MON2: variants seen among roughly 807,000 people sequenced by gnomAD.
MON2 encodes the protein protein MON2 homolog.
MON2 carries 84 observed loss-of-function variants against 208.6 expected under a neutral mutation model. The ratio of observed to expected loss-of-function variants is 0.40; its 90% confidence interval spans 0.34 to 0.48. The LOEUF (loss-of-function observed/expected upper bound fraction) is 0.48, where lower values mean the gene tolerates loss of function less well. Ranked by LOEUF, MON2 falls within the 20% of genes least tolerant of loss-of-function variation. The pLI is 0.59. For missense variants in MON2, 1,611 were observed against 2,015.4 expected, an observed-to-expected ratio of 0.80 and a Z score of 3.84; for synonymous variants, 660 against 694.0, an observed-to-expected ratio of 0.95 and a Z score of 0.77.
At chr12:62,513,949 CAA>C (rs1173900059) in intron 8 of MON2, among the ~76,000 whole-genome samples, 1 of 133,086 alleles carries the variant, frequency 7.5e-6, no homozygotes, top group Admixed American at 7.8e-5. Flanking sequence ...GACTCCATCT[CAA>C]AAAAAAAAAG....
chr12:62,489,067 T>C (rs1309135058), intron 2 of MON2, among the ~76,000 whole-genome samples: 1 of 152,142 alleles, frequency 6.6e-6, no homozygotes, highest in Non-Finnish European at 1.5e-5. Flanking sequence ...GATTGTAGTT[T>C]AACAATTTCC....
chr12:62,480,154 G>A (rs779504726), intron 1 of MON2, among the ~76,000 whole-genome samples: 19 of 152,204 alleles, frequency 1.2e-4, no homozygotes, highest in Non-Finnish European at 1.5e-5. Context: ...GAGGAGCTAT[G>A]TGATAGGTCT....
At chr12:62,533,998 C>T (rs565898213) in intron 12 of MON2, among the ~76,000 whole-genome samples, 9 of 152,296 alleles carry the variant, frequency 5.9e-5, no homozygotes, top group African/African-American at 2.2e-4. Context: ...TGTATGTAAT[C>T]AGTCTCCTGG....
intron 30 of MON2, among the ~76,000 whole-genome samples, chr12:62,576,962 A>G (rs2074813227): frequency 6.6e-6 from 1 of 151,782 alleles, no homozygotes; most frequent in African/African-American, 2.4e-5. Flanking sequence ...GTATATTTCT[A>G]TAAACACTAA....
intron 10 of MON2, 28 bp from the exon 11 acceptor site, chr12:62,525,921 T>C (rs562252051): frequency 1.2e-6 from 2 of 1,603,560 alleles, no homozygotes; most frequent in South Asian, 1.1e-5. Context: ...ATTAGTGTCT[T>C]TTCTTTTTTT....
At chr12:62,586,399 C>G (rs1176198520) in intron 33 of MON2, among the ~76,000 whole-genome samples, 1 of 152,146 alleles carries the variant, frequency 6.6e-6, no homozygotes, top group Non-Finnish European at 1.5e-5. Context: ...CCAAATTTCC[C>G]AACAGAGATT....
rs1384317769 is a variant in MON2 at position 62,600,402 on chromosome 12, G to C, written c.*7653G>C. The C allele has an allele frequency of 6.6e-6, 1 of 152,180 alleles. No homozygotes were observed. Among genetic ancestry groups the C allele is most frequent in the Non-Finnish European group, 1.5e-5 (1 of 68,018 alleles). 9.4% of individuals were successfully genotyped at this position (152,180 alleles called of 1,614,324 possible). A position where few individuals can be genotyped will look rare whatever the true frequency, so the allele number is the denominator to read the frequency against. On this transcript the variant is annotated 3_prime_UTR_variant, in exon 35 of 35. Coordinates refer to ENST00000393630, the MANE Select transcript of MON2 (RefSeq NM_015026.3). ...GGAGCGCTCTCAAGTGCTTATTACA[G>C]CTAGTCAAGGAAACCGCATATATAA...
At chr12:62,522,551 T>C (rs1353875228) in intron 8 of MON2, among the ~76,000 whole-genome samples, 1 of 152,216 alleles carries the variant, frequency 6.6e-6, no homozygotes, top group African/African-American at 2.4e-5. Context: ...TAGATAATAA[T>C]CTACTACCAA....
chr12:62,573,969 G>C (rs2074690563), intron 30 of MON2, among the ~76,000 whole-genome samples: 1 of 152,170 alleles, frequency 6.6e-6, no homozygotes, highest in African/African-American at 2.4e-5. Flanking sequence ...TACTTAAGAA[G>C]CAGCCAGCAT....
At chr12:62,578,004 A>T (rs2074853302) in intron 30 of MON2, among the ~76,000 whole-genome samples, 1 of 152,062 alleles carries the variant, frequency 6.6e-6, no homozygotes, top group African/African-American at 2.4e-5. Context: ...TCTTTAATCC[A>T]TTGTATTTAT....
intron 11 of MON2, among the ~76,000 whole-genome samples, chr12:62,529,521 C>T (rs926927505): frequency 1.3e-5 from 2 of 151,912 alleles, no homozygotes; most frequent in African/African-American, 4.8e-5. Flanking sequence ...ATTTTCTTAG[C>T]TTTTTTATTG....
chr12:62,556,925 A>T (rs1490274759), intron 25 of MON2, among the ~76,000 whole-genome samples: 1 of 152,126 alleles, frequency 6.6e-6, no homozygotes, highest in African/African-American at 2.4e-5. Flanking sequence ...AAATTTTTTT[A>T]AAATAAAAAA....
chr12:62,517,970 A>T (rs981535405), intron 8 of MON2, among the ~76,000 whole-genome samples: 6 of 152,220 alleles, frequency 3.9e-5, no homozygotes, highest in Non-Finnish European at 5.9e-5. Context: ...TCGGGCTGTT[A>T]TATAAAATAT....
chr12:62,552,376 A>G (rs1342101220), intron 23 of MON2, among the ~76,000 whole-genome samples: 2 of 152,172 alleles, frequency 1.3e-5, no homozygotes. Context: ...TTTTACATTT[A>G]TGTTCACAGT....
intron 8 of MON2, among the ~76,000 whole-genome samples, chr12:62,516,192 T>C (rs963834772): frequency 3.3e-5 from 5 of 152,174 alleles, no homozygotes; most frequent in Non-Finnish European, 5.9e-5. Flanking sequence ...CTTCACATGT[T>C]CTCACTCGTT....
At chr12:62,491,711 G>A (rs545742341) in intron 2 of MON2, among the ~76,000 whole-genome samples, 1 of 152,178 alleles carries the variant, frequency 6.6e-6, no homozygotes, top group South Asian at 2.1e-4. Context: ...GGCTGCATCA[G>A]GCCCTGTAAA....
chr12:62,466,857 G>A lies in MON2; in HGVS notation c.-351G>A. The A allele has an allele frequency of 2.2e-6, 1 of 452,034 alleles. No homozygotes were observed. Among genetic ancestry groups the A allele is most frequent in the Non-Finnish European group, 3.9e-6 (1 of 255,632 alleles). 28.0% of individuals were successfully genotyped at this position (452,034 alleles called of 1,614,324 possible). A position where few individuals can be genotyped will look rare whatever the true frequency, so the allele number is the denominator to read the frequency against. On this transcript the variant is annotated 5_prime_UTR_variant, in exon 1 of 35. Transcript: ENST00000393630. ...GCTAATGGCGTCGGCGAGTCTTAGG[G>A]GCCTGGGGAGCTGGCGCTGAAGCTT... is the stretch of plus-strand genomic sequence containing the variant.
chr12:62,472,534 T>C (rs1592795603), intron 1 of MON2, among the ~76,000 whole-genome samples: 1 of 152,366 alleles, frequency 6.6e-6, no homozygotes, highest in South Asian at 2.1e-4. Context: ...AGAAATTGGC[T>C]GGCAGAGAAA....
chr12:62,592,242 C>T (rs554240012), intron 34 of MON2, among the ~76,000 whole-genome samples: 4 of 152,246 alleles, frequency 2.6e-5, no homozygotes, highest in East Asian at 1.9e-4. Flanking sequence ...TTGAAATGTA[C>T]ACTACATCCT....
Sources: gnomAD v4.1 joint callset for allele counts (sites outside exome capture counted in the v4.1 genomes callset) on GRCh38, gnomAD v4.1.1 for gene constraint, MANE v1.5 for transcripts, NCBI Gene and HGNC (gene_info 2026-07-23, HGNC 2026-07-21) for gene names.